The following POLR1A variants were observed in gnomAD, a reference collection of about 807,000 sequenced individuals.
POLR1A encodes DNA-directed RNA polymerase I subunit RPA1.
Under a neutral mutation model 205.3 loss-of-function variants are expected in POLR1A, and 84 were observed. The observed-to-expected ratio is 0.41, with a 90% confidence interval of 0.34 to 0.49. POLR1A has a LOEUF of 0.49. POLR1A is among the 20% of genes least tolerant of loss of function. The pLI is 0.22. For synonymous variants in POLR1A, 799 were observed against 863.7 expected, an observed-to-expected ratio of 0.93 and a Z score of 1.31; for missense variants, 1,645 against 2,204.5, an observed-to-expected ratio of 0.75 and a Z score of 5.08.
chr2:86,098,065 A>G (rs985810281), intron 3 of POLR1A, among the ~76,000 whole-genome samples: 4 of 152,220 alleles, frequency 2.6e-5, no homozygotes, highest in African/African-American at 9.6e-5. Context: ...AGAAGTAAAC[A>G]AAGTAAGCAT....
At position 86,022,598 on chromosome 2, in the gene POLR1A, C is replaced by G. The variant is rs1426204394; in HGVS notation, c.*4825G>C. The G allele has an allele frequency of 6.6e-6, 1 of 152,230 alleles. No homozygotes were observed. The highest frequency in any genetic ancestry group is 1.5e-5 in the Non-Finnish European group (1 of 68,074). 9.4% of individuals were successfully genotyped at this position (152,230 alleles called of 1,614,324 possible). On this transcript the variant is annotated 3_prime_UTR_variant, in exon 34 of 34. Transcript: ENST00000263857. ...ATCTGGGCAAGGCCTTGGGATCAAT[C>G]TTTTTTTCAGACGGGGTCTCACTCT... is the stretch of plus-strand genomic sequence containing the variant.
In POLR1A at chr2:86,049,201, T is replaced by C. The variant is rs1171674701; in HGVS notation, c.2434A>G (p.Arg812Gly). Residue 812 changes from arginine (R) to glycine (G), a missense_variant, in exon 17 of 34, where the codon AGG becomes GGG. Physicochemically the swap from Arg to Gly is moderately radical, Grantham distance 125. Transcript: ENST00000263857. ...GTGGATTCTTCAATGATACGTTGCC[T>C]CTTGACATCTGCCTTTGGCTTCACC... ...ILVKPKADVK[R>G]QRIIEESTHC... The C allele has an allele frequency of 6.2e-7, 1 of 1,614,102 alleles. No individual in the cohort carries two copies.
chr2:86,041,282 CTG>C (rs202216011), intron 24 of POLR1A, among the ~76,000 whole-genome samples: 33 of 129,118 alleles, frequency 2.6e-4, no homozygotes, highest in East Asian at 6.9e-4. Flanking sequence ...TCTACAGTGT[CTG>C]TGTGTGTGTG....
chr2:86,067,607 T>A (rs1229115476), intron 13 of POLR1A, among the ~76,000 whole-genome samples: 1 of 152,132 alleles, frequency 6.6e-6, no homozygotes, highest in Non-Finnish European at 1.5e-5. Flanking sequence ...TTATGGTTAC[T>A]TAAGGAAGAT....
At chr2:86,097,214 C>CAAAAAAAAAAAAAAAA (rs757210116) in intron 3 of POLR1A, among the ~76,000 whole-genome samples, 750 of 39,698 alleles carry the variant, frequency 0.019, 270 homozygotes, top group Middle Eastern at 0.17. Context: ...CCCCAAAAGA[C>CAAAAAAAAAAAAAAAA]AAAAAAAAAA....
intron 13 of POLR1A, among the ~76,000 whole-genome samples, chr2:86,066,325 T>C (rs964351905): frequency 2.0e-5 from 3 of 152,158 alleles, no homozygotes; most frequent in Non-Finnish European, 2.9e-5. Flanking sequence ...AAGGCTGTTA[T>C]CTACCAGATG....
At chr2:86,057,905 C>T (rs1387568987) in intron 14 of POLR1A, among the ~76,000 whole-genome samples, 1 of 152,022 alleles carries the variant, frequency 6.6e-6, no homozygotes, top group Non-Finnish European at 1.5e-5. Context: ...AGTGAATACA[C>T]TAAAAACCTA....
In POLR1A at chr2:86,049,438, TC is replaced by T. The variant is rs530882925; in HGVS notation, c.2393-197del. Among the ~76,000 whole-genome samples the T allele has an allele frequency of 4.2e-3, 638 of 152,216 alleles. 5 individuals carry two copies. The highest frequency in any genetic ancestry group is 0.014 in the African/African-American group (580 of 41,516). The stretch of plus-strand genomic sequence containing the variant: ...GCTTACCAGAGCCCAAACCTTATAA[TC>T]CCCATTTTACAAATGACAAAACTCA... On this transcript the variant is annotated intron_variant, in intron 16 of 33. Coordinates refer to ENST00000263857, the MANE Select transcript of POLR1A (RefSeq NM_015425.6).
intron 5 of POLR1A, 56 bp downstream of exon 5, chr2:86,088,729 A>G (rs1673550669): frequency 1.3e-6 from 2 of 1,593,156 alleles, no homozygotes; most frequent in Non-Finnish European, 8.6e-7. Context: ...ATTTAATAAT[A>G]GCAATGAGTG....
intron 14 of POLR1A, among the ~76,000 whole-genome samples, chr2:86,056,639 T>A (rs1672903921): frequency 6.6e-6 from 1 of 152,090 alleles, no homozygotes. Flanking sequence ...AAGGACAGTC[T>A]GGCTCTCCTG....
rs1303287819 is a variant in POLR1A at position 86,028,511 on chromosome 2, C to T, written c.4897+83G>A. On this transcript the variant is annotated intron_variant, in intron 32 of 33. Coordinates refer to ENST00000263857, the MANE Select transcript of POLR1A (RefSeq NM_015425.6). The surrounding 1 kb of genome is among the most constrained non-coding windows in gnomAD (Gnocchi z 4.5). ...CTGGACTGACTCGGTGCTGGACCGA[C>T]ACGGTCCTGACCCTCCTGCCGAGCC... The T allele has an allele frequency of 2.1e-6, 2 of 959,648 alleles. No homozygotes were observed. The highest frequency in any genetic ancestry group is 3.4e-6 in the Non-Finnish European group (2 of 585,976). 59.4% of individuals were successfully genotyped at this position (959,648 alleles called of 1,614,324 possible). A position where few individuals can be genotyped will look rare whatever the true frequency, so the allele number is the denominator to read the frequency against.
At chr2:86,053,022 A>G in intron 15 of POLR1A, 22 bp from the exon 16 acceptor site, 3 of 1,528,078 alleles carry the variant, frequency 2.0e-6, no homozygotes, top group Non-Finnish European at 2.6e-6. Flanking sequence ...AAGGCCACCA[A>G]TGCCGGGCTG....
intron 19 of POLR1A, among the ~76,000 whole-genome samples, chr2:86,046,244 A>G (rs1023504792): frequency 6.6e-6 from 1 of 152,204 alleles, no homozygotes; most frequent in Non-Finnish European, 1.5e-5. Flanking sequence ...ACCCTGGGCA[A>G]TACAGGGAGA....
intron 29 of POLR1A, among the ~76,000 whole-genome samples, chr2:86,031,943 GGGA>G (rs1298495591): frequency 1.3e-5 from 2 of 152,200 alleles, no homozygotes; most frequent in East Asian, 3.8e-4. Context: ...ACTGGTTTGT[GGGA>G]GGAGAGAGAG....
rs1672554041 is a variant in POLR1A at position 86,039,187 on chromosome 2, C to G, written c.3876+140G>C. On this transcript the variant is annotated intron_variant, in intron 26 of 33. Transcript: ENST00000263857. ...TTCCTGATCCATCTCTGCTCAGCAC[C>G]TGGCAGAGACAGCTTATCTCTCATT... 17 of 914,160 alleles carry G rather than the reference C, an allele frequency of 1.9e-5. No homozygotes were observed. The East Asian group carries it at 4.1e-4, about 22-fold the overall frequency. The allele number at this position is 914,160 out of a possible 1,614,324, so 56.6% of individuals were successfully genotyped here. A position where few individuals can be genotyped will look rare whatever the true frequency, so the allele number is the denominator to read the frequency against.
chr2:86,045,523 G>A (rs1672694419), intron 20 of POLR1A, 94 bp downstream of exon 20: 5 of 1,391,442 alleles, frequency 3.6e-6, no homozygotes, highest in Non-Finnish European at 5.1e-6. Context: ...AGCCCCCAGT[G>A]TCTTCTGCCC....
chr2:86,042,765 GC>G (rs1394567653), intron 23 of POLR1A, among the ~76,000 whole-genome samples: 2 of 146,030 alleles, frequency 1.4e-5, no homozygotes, highest in African/African-American at 5.6e-5. Flanking sequence ...GAAGTCACAG[GC>G]CCCAGTTAGT....
chr2:86,068,389 G>GC (rs1553436046), intron 13 of POLR1A, among the ~76,000 whole-genome samples: 8 of 118,504 alleles, frequency 6.8e-5, no homozygotes, highest in Non-Finnish European at 1.1e-4. Context: ...ACATGGGCGG[G>GC]GGGGGGGGGC....
intron 12 of POLR1A, among the ~76,000 whole-genome samples, chr2:86,074,119 A>G (rs553319294): frequency 1.3e-5 from 2 of 152,352 alleles, no homozygotes; most frequent in South Asian, 4.1e-4. Context: ...AGAGGAAGCA[A>G]GAAGGCCTGT....
Sources: allele counts gnomAD v4.1 joint callset (sites outside exome capture counted in the v4.1 genomes callset), GRCh38; gene constraint gnomAD v4.1.1; non-coding constraint Gnocchi (gnomAD v3.1); transcripts MANE v1.5; gene names NCBI Gene and HGNC (gene_info 2026-07-23, HGNC 2026-07-21).